STX10: variants seen among roughly 807,000 people sequenced by gnomAD.
STX10 encodes syntaxin-10.
STX10 carries 35 observed loss-of-function variants against 34.1 expected under a neutral mutation model. That is an observed-to-expected ratio of 1.03 (90% CI 0.78 to 1.36). STX10 has a LOEUF of 1.36. Among genes scored for constraint, STX10 ranks in the 40% most tolerant of loss-of-function variants. STX10 has a pLI of 0.00. For missense variants in STX10, 361 were observed against 335.5 expected (o/e 1.08, Z -0.59); for synonymous variants, 155 against 132.9 (o/e 1.17, Z -1.15).
rs1315452838 is a variant in STX10, at chr19:13,150,144, G to A, written c.30C>T (p.Val10=). 8.4e-7 allele frequency: 1 copy of A among 1,196,242 alleles called. No homozygotes were observed. 74.1% of individuals were successfully genotyped at this position (1,196,242 alleles called of 1,614,324 possible). Residue 10 remains valine, a synonymous_variant, in exon 1 of 8, where the codon GTC becomes GTT. Coordinates refer to ENST00000587230, the MANE Select transcript of STX10 (RefSeq NM_003765.3). This position sits in a 1 kb window ranked among gnomAD's most constrained non-coding sequence, Gnocchi z 4.0. The part of the protein sequence containing the change: MSLEDPFFV[V]RGEVQKAVNT... Reference sequence around the variant, plus strand: ...CCCCCGTCGTTGTCACTCACCCTCGGACTACAAAAAAGGGGTCTTCGAGAG... The same window carrying A: ...CCCCCGTCGTTGTCACTCACCCTCGAACTACAAAAAAGGGGTCTTCGAGAG...
In STX10 at chr19:13,144,345, G is replaced by A; in HGVS notation, c.*65C>T. 1.3e-6 allele frequency: 2 copies of A among 1,570,528 alleles called. No individual in the cohort carries two copies. Among genetic ancestry groups the A allele is most frequent in the Admixed American group, 1.9e-5 (1 of 51,486 alleles). ...GGACCCTCTCCTCCTAGGGGGCGAGGCCAGCTCCAAAGTGCTTGGTGGCTC... is the reference window on the plus strand; with the variant it reads ...GGACCCTCTCCTCCTAGGGGGCGAGACCAGCTCCAAAGTGCTTGGTGGCTC... On this transcript the variant is annotated 3_prime_UTR_variant, in exon 8 of 8. Transcript: ENST00000587230.
At chr19:13,148,055 T>G (rs1600020834) in intron 4 of STX10, among the ~76,000 whole-genome samples, 1 of 87,250 alleles carries the variant, frequency 1.1e-5, no homozygotes, top group Non-Finnish European at 2.0e-5. Flanking sequence ...AGAGTGAGAC[T>G]GCATCTCAAA....
At chr19:13,146,354 G>T (rs879450360) in intron 4 of STX10, among the ~76,000 whole-genome samples, 3 of 152,026 alleles carry the variant, frequency 2.0e-5, no homozygotes, top group Non-Finnish European at 4.4e-5. Context: ...TTTATTTTTG[G>T]GGGGATTTTA....
At position 13,149,548 on chromosome 19, in the gene STX10, T is replaced by C; in HGVS notation, c.251A>G (p.Asp84Gly). 6.2e-7 allele frequency: 1 copy of C among 1,613,948 alleles called. No homozygotes were observed. Among genetic ancestry groups the C allele is most frequent in the East Asian group, 2.2e-5 (1 of 44,876 alleles). ...NPGKFKLPAG[D>G]LQERKVFVER... is the part of the protein sequence containing the mutation. ...CACGAACACCTTTCTCTCCTGCAGG[T>C]CCCCGGCTGGGAGCTTGAACTTGCC... The change falls in exon 3 of 8, where the codon GAC becomes GGC. Residue 84 changes from aspartate (D) to glycine (G), a missense_variant. By Grantham distance (94) the Asp-to-Gly change is moderately conservative. Transcript: ENST00000587230.
In STX10 at chr19:13,149,595, T is replaced by C; in HGVS notation, c.206-2A>G. On this transcript the variant is annotated splice_acceptor_variant, in intron 2 of 7. Transcript: ENST00000587230. LOFTEE classifies it high-confidence loss of function. Reference sequence around the variant, plus strand: ...TGCCTGGGTTGGCTTCCACTATACGTGGGCTGAGAGTCAAGGGTCAAGGCC... The same window carrying C: ...TGCCTGGGTTGGCTTCCACTATACGCGGGCTGAGAGTCAAGGGTCAAGGCC... The C allele has an allele frequency of 6.2e-7, 1 of 1,614,024 alleles. No homozygotes were observed. The highest frequency in any genetic ancestry group is 8.5e-7 in the Non-Finnish European group (1 of 1,179,996).
chr19:13,149,360 C>T lies in STX10; in HGVS notation c.300+139G>A, dbSNP rs547054483. 5.9e-5 allele frequency: 45 copies of T among 766,512 alleles called. No individual in the cohort carries two copies. The East Asian group carries it at 1.2e-3, about 20-fold the overall frequency. The allele number at this position is 766,512 out of a possible 1,614,324, so 47.5% of individuals were successfully genotyped here. Reference sequence around the variant, plus strand: ...CTGGGAGGCGGAGGTTGCAGTGAGCCGAGATTGCAACACTGTACTCCAGCC... The same window carrying T: ...CTGGGAGGCGGAGGTTGCAGTGAGCTGAGATTGCAACACTGTACTCCAGCC... On this transcript the variant is annotated intron_variant, in intron 3 of 7. Coordinates refer to ENST00000587230, the MANE Select transcript of STX10 (RefSeq NM_003765.3).
intron 4 of STX10, 42 bp downstream of exon 4, chr19:13,148,987 C>T (rs774480457): frequency 6.4e-7 from 1 of 1,561,100 alleles, no homozygotes; most frequent in African/African-American, 1.4e-5. Flanking sequence ...GCTTGGTTAC[C>T]CCCAGGGGCT....
At chr19:13,149,466 C>T (rs1311674491) in intron 3 of STX10, 33 bp downstream of exon 3, 1 of 1,508,274 alleles carries the variant, frequency 6.6e-7, no homozygotes. Context: ...CTCAAACCTT[C>T]CCCCACTCCC....
intron 4 of STX10, among the ~76,000 whole-genome samples, 180 bp downstream of exon 4, chr19:13,148,849 T>C (rs749683615): frequency 2.0e-5 from 3 of 151,420 alleles, no homozygotes; most frequent in Non-Finnish European, 4.4e-5. Flanking sequence ...CACGGACATA[T>C]ACACATAGAG....
In STX10 at chr19:13,144,300, A is replaced by G; in HGVS notation, c.*110T>C. On this transcript the variant is annotated 3_prime_UTR_variant, in exon 8 of 8. Coordinates refer to ENST00000587230, the MANE Select transcript of STX10 (RefSeq NM_003765.3). ...GACAGCTCCCCAGGCGGGACCCTCT[A>G]CTCTCCAGCTACCCAGGAGGGACCC... 6.9e-7 allele frequency: 1 copy of G among 1,444,900 alleles called. No individual in the cohort carries two copies. Among genetic ancestry groups the G allele is most frequent in the Non-Finnish European group, 9.4e-7 (1 of 1,068,374 alleles). The allele number at this position is 1,444,900 out of a possible 1,614,324, so 89.5% of individuals were successfully genotyped here.
intron 5 of STX10, 34 bp downstream of exon 5, chr19:13,145,254 C>T: frequency 6.3e-7 from 1 of 1,587,906 alleles, no homozygotes; most frequent in Non-Finnish European, 8.6e-7. Flanking sequence ...GCAAGGCTCT[C>T]CCCTCCCAAG....
intron 4 of STX10, among the ~76,000 whole-genome samples, chr19:13,147,079 A>AAC (rs55785762): frequency 0.16 from 23,376 of 144,854 alleles, 1,884 homozygotes; most frequent in Middle Eastern, 0.27. Context: ...GAAACACAGA[A>AAC]ACACACACAC....
intron 4 of STX10, 44 bp downstream of exon 4, chr19:13,148,985 A>G: frequency 6.5e-7 from 1 of 1,549,854 alleles, no homozygotes; most frequent in Non-Finnish European, 8.8e-7. Flanking sequence ...TGGCTTGGTT[A>G]CCCCCAGGGG....
rs1021413078 is a variant in STX10 at position 13,150,103 on chromosome 19, G to C, written c.35+36C>G. ...CCGGGCACTGGCTGGCTTGGGTACA[G>C]AGCACCCTCCGCCCTCCCCCGTCGT... is the stretch of plus-strand genomic sequence containing the variant. On this transcript the variant is annotated intron_variant, in intron 1 of 7. Transcript: ENST00000587230. This position sits in a 1 kb window ranked among gnomAD's most constrained non-coding sequence, Gnocchi z 4.0. 8.8e-7 allele frequency: 1 copy of C among 1,132,662 alleles called. No individual in the cohort carries two copies. Among genetic ancestry groups the C allele is most frequent in the Non-Finnish European group, 1.3e-6 (1 of 759,344 alleles). The allele number at this position is 1,132,662 out of a possible 1,614,324, so 70.2% of individuals were successfully genotyped here.
intron 4 of STX10, 129 bp from the exon 5 acceptor site, chr19:13,145,524 C>G: frequency 1.5e-6 from 1 of 684,306 alleles, no homozygotes; most frequent in South Asian, 1.8e-5. Flanking sequence ...CCCCACTCAC[C>G]ACTTACTAGC....
intron 5 of STX10, 111 bp downstream of exon 5, chr19:13,145,177 C>T (rs966259540): frequency 2.5e-5 from 26 of 1,049,040 alleles, no homozygotes; most frequent in Admixed American, 6.8e-5. Flanking sequence ...CCAGCCTGGG[C>T]GACAAAGCGA....
intron 5 of STX10, among the ~76,000 whole-genome samples, 174 bp downstream of exon 5, chr19:13,145,114 A>T (rs940364141): frequency 6.6e-6 from 1 of 152,042 alleles, no homozygotes; most frequent in African/African-American, 2.4e-5. Flanking sequence ...CAGGAGAATC[A>T]CTGGAACCTG....
chr19:13,149,918 G>A (rs1376443807), intron 1 of STX10, 21 bp from the exon 2 acceptor site: 1 of 1,547,528 alleles, frequency 6.5e-7, no homozygotes, highest in Non-Finnish European at 8.7e-7. Flanking sequence ...GGGCACGGCG[G>A]GCGCGGCTGG....
intron 4 of STX10, among the ~76,000 whole-genome samples, chr19:13,148,786 T>C (rs929464291): frequency 6.6e-6 from 1 of 151,546 alleles, no homozygotes; most frequent in Non-Finnish European, 1.5e-5. Context: ...CCCCCAGCCC[T>C]CTCCTGCAAC....
Sources: gnomAD v4.1 joint callset for allele counts (sites outside exome capture counted in the v4.1 genomes callset) on GRCh38, gnomAD v4.1.1 for gene constraint, Gnocchi (gnomAD v3.1) non-coding constraint, MANE v1.5 for transcripts, NCBI Gene and HGNC (gene_info 2026-07-23, HGNC 2026-07-21) for gene names.